The following SYNGR1 variants were observed in gnomAD, a reference collection of about 807,000 sequenced individuals.
SYNGR1 encodes the protein synaptogyrin 1, also known as synaptogyrin-1.
SYNGR1 carries 14 observed loss-of-function variants against 26.1 expected under a neutral mutation model. That is an observed-to-expected ratio of 0.54 (90% CI 0.35 to 0.84). SYNGR1 has a LOEUF of 0.84. Among genes scored for constraint, SYNGR1 ranks in the 40% least tolerant of loss-of-function variants. SYNGR1 has a pLI of 0.01. For missense variants in SYNGR1, 319 were observed against 332.9 expected (o/e 0.96, Z 0.33); for synonymous variants, 141 against 150.1 (o/e 0.94, Z 0.44).
chr22:39,374,508 G>C lies in SYNGR1; in HGVS notation c.292G>C (p.Val98Leu), dbSNP rs781363251. 1 of 1,613,568 alleles carries C rather than the reference G, an allele frequency of 6.2e-7. No homozygotes were observed. Among genetic ancestry groups the C allele is most frequent in the Non-Finnish European group, 8.5e-7 (1 of 1,180,028 alleles). The change falls in exon 2 of 4, where the codon GTC becomes CTC. Residue 98 changes from valine to leucine, a missense_variant. Coordinates refer to ENST00000328933, the MANE Select transcript of SYNGR1 (RefSeq NM_004711.5). Reference sequence around the variant, plus strand: ...CGTGTACTTCCCGCAGATCAGCAGCGTCAAGGACCGCAAGAAAGCCGTCCT... The same window carrying C: ...CGTGTACTTCCCGCAGATCAGCAGCCTCAAGGACCGCAAGAAAGCCGTCCT... The part of the protein sequence containing the change: ...LDVYFPQISS[V>L]KDRKKAVLSD...
Position 39,376,154 on chromosome 22 carries a change from C to A in SYNGR1, c.440C>A (p.Ala147Asp), listed in dbSNP as rs370572429. ...DNPLNEGTDA[A>D]RAAIAFSFFS... ...CCACTGAACGAAGGGACGGACGCAG[C>A]CCGGGCCGCCATCGCCTTCTCCTTT... is the stretch of plus-strand genomic sequence containing the variant. Residue 147 changes from alanine to aspartate, a missense_variant, in exon 3 of 4, where the codon GCC (alanine) becomes GAC (aspartate). Physicochemically the swap from Ala to Asp is moderately radical, Grantham distance 126. Transcript: ENST00000328933. 6.2e-7 allele frequency: 1 copy of A among 1,614,088 alleles called. No individual in the cohort carries two copies. The highest frequency in any genetic ancestry group is 1.3e-5 in the African/African-American group (1 of 74,926).
chr22:39,375,570 C>T (rs1925240680), intron 2 of SYNGR1: 2 of 318,094 alleles, frequency 6.3e-6, no homozygotes, highest in Non-Finnish European at 1.2e-5. Context: ...GCCATCCTTG[C>T]CCCAGCCTCG....
At chr22:39,358,132 T>G (rs1213228653) in intron 1 of SYNGR1, among the ~76,000 whole-genome samples, 6 of 152,220 alleles carry the variant, frequency 3.9e-5, no homozygotes, top group African/African-American at 1.4e-4. Context: ...ATCAGCACCC[T>G]GTGTTTAGCT....
In SYNGR1 at chr22:39,350,092, C is replaced by G; in HGVS notation, c.82C>G (p.Leu28Val). The G allele has an allele frequency of 6.8e-7, 1 of 1,469,604 alleles. No homozygotes were observed. The highest frequency in any genetic ancestry group is 1.2e-5 in the South Asian group (1 of 80,016). The allele number at this position is 1,469,604 out of a possible 1,614,324, so 91.0% of individuals were successfully genotyped here. ...CCTGGTCCGGCAGCCGCACACCATC[C>G]TGCGCGTCGTGTCTTGGGTAAGGAC... is the stretch of plus-strand genomic sequence containing the variant. ...YTLVRQPHTI[L>V]RVVSWLFSIV... The change falls in exon 1 of 4, where the codon CTG (leucine) becomes GTG (valine). Residue 28 changes from leucine to valine, a missense_variant. By Grantham distance (32) the Leu-to-Val change is conservative. Transcript: ENST00000328933. This position sits in a 1 kb window ranked among gnomAD's most constrained non-coding sequence, Gnocchi z 4.3.
At position 39,374,680 on chromosome 22, in the gene SYNGR1, T is replaced by C. The variant is rs775498307; in HGVS notation, c.337+127T>C. 137 of 1,027,930 alleles carry C rather than the reference T, an allele frequency of 1.3e-4. No individual in the cohort carries two copies. The African/African-American group carries it at 1.8e-3, about 13-fold the overall frequency. The allele number at this position is 1,027,930 out of a possible 1,614,324, so 63.7% of individuals were successfully genotyped here. ...AATGAGGTGCAGGCGGGTGAAGGGA[T>C]GGACTCAGGGTCACATGGCTGGCAG... is the stretch of plus-strand genomic sequence containing the variant. On this transcript the variant is annotated intron_variant, in intron 2 of 3. Coordinates refer to ENST00000328933, the MANE Select transcript of SYNGR1 (RefSeq NM_004711.5).
intron 1 of SYNGR1, among the ~76,000 whole-genome samples, chr22:39,355,424 T>C (rs572818135): frequency 1.3e-5 from 2 of 152,228 alleles, no homozygotes; most frequent in Non-Finnish European, 2.9e-5. Context: ...CTGGAGTCTT[T>C]CTCACCTCTT....
At chr22:39,356,069 T>G (rs1180166148) in intron 1 of SYNGR1, among the ~76,000 whole-genome samples, 3 of 152,114 alleles carry the variant, frequency 2.0e-5, no homozygotes, top group African/African-American at 7.2e-5. Flanking sequence ...CAAGTTATTT[T>G]TGTTTGTTTG....
intron 1 of SYNGR1, among the ~76,000 whole-genome samples, chr22:39,358,325 A>C (rs569005781): frequency 2.0e-5 from 3 of 152,220 alleles, no homozygotes; most frequent in Non-Finnish European, 4.4e-5. Context: ...ACTCGGCTCT[A>C]CCAATCAGCA....
chr22:39,376,887 T>TA (rs1274781816), intron 3 of SYNGR1: 1 of 1,488,234 alleles, frequency 6.7e-7, no homozygotes, highest in African/African-American at 1.4e-5. Context: ...GTTTAAACAA[T>TA]ATATTGTGTG....
At chr22:39,363,066 T>C (rs995042694) in intron 1 of SYNGR1, among the ~76,000 whole-genome samples, 1 of 151,922 alleles carries the variant, frequency 6.6e-6, no homozygotes, top group African/African-American at 2.4e-5. Flanking sequence ...GAGATGTGCG[T>C]GTTGAGGAGC....
At chr22:39,377,404 C>T (rs1601666859) in intron 3 of SYNGR1, 1 of 985,258 alleles carries the variant, frequency 1.0e-6, no homozygotes, top group African/African-American at 1.7e-5. Context: ...GAGAAGGTGC[C>T]CCAGAAGTGG....
At chr22:39,359,510 A>G (rs1924360332) in intron 1 of SYNGR1, among the ~76,000 whole-genome samples, 2 of 151,218 alleles carry the variant, frequency 1.3e-5, no homozygotes, top group Non-Finnish European at 2.9e-5. Flanking sequence ...GGGGGCCTGT[A>G]GTCCCAGCTA....
At chr22:39,354,469 G>T (rs1025961536) in intron 1 of SYNGR1, among the ~76,000 whole-genome samples, 1 of 152,036 alleles carries the variant, frequency 6.6e-6, no homozygotes, top group Non-Finnish European at 1.5e-5. Flanking sequence ...GTGGCCTGAG[G>T]GGGGCAGCTT....
intron 1 of SYNGR1, among the ~76,000 whole-genome samples, chr22:39,353,561 A>AC (rs1924011833): frequency 6.6e-6 from 1 of 152,010 alleles, no homozygotes; most frequent in Admixed American, 6.6e-5. Context: ...CACTCCTGGC[A>AC]CCCCCAGGCC....
intron 1 of SYNGR1, among the ~76,000 whole-genome samples, chr22:39,351,825 C>T (rs1322571155): frequency 6.6e-6 from 1 of 152,242 alleles, no homozygotes; most frequent in Non-Finnish European, 1.5e-5. Context: ...CAGGCAGAGG[C>T]CGCAAGAGCC....
Position 39,383,550 on chromosome 22 carries a change from G to T in SYNGR1, c.*1636G>T. The stretch of plus-strand genomic sequence containing the variant: ...TCCCCCTGTCCACCCAGTGTCCACT[G>T]GCCTGTCCTTCAGGGAGCAGAGCAG... On this transcript the variant is annotated 3_prime_UTR_variant, in exon 4 of 4. Transcript: ENST00000328933. The T allele has an allele frequency of 6.6e-6, 1 of 152,560 alleles. No individual in the cohort carries two copies. The highest frequency in any genetic ancestry group is 1.5e-5 in the Non-Finnish European group (1 of 68,142). 9.5% of individuals were successfully genotyped at this position (152,560 alleles called of 1,614,324 possible).
chr22:39,361,745 G>T (rs1280554295), intron 1 of SYNGR1, among the ~76,000 whole-genome samples: 1 of 152,112 alleles, frequency 6.6e-6, no homozygotes, highest in Non-Finnish European at 1.5e-5. Context: ...CCTACCCCAG[G>T]AGTCTCGGGG....
rs557314237 is a variant in SYNGR1 at position 39,385,119 on chromosome 22, T to G, written c.*3205T>G. 1 of 397,774 alleles carries G rather than the reference T, an allele frequency of 2.5e-6. No homozygotes were observed. The highest frequency in any genetic ancestry group is 1.4e-4 in the South Asian group (1 of 7,138). The allele number at this position is 397,774 out of a possible 1,614,324, so 24.6% of individuals were successfully genotyped here. A position where few individuals can be genotyped will look rare whatever the true frequency, so the allele number is the denominator to read the frequency against. ...CTGCCTGTTAGCCCTGGGAGACCCC[T>G]AACCTTGGCCCAAGACCCCTTTGAT... On this transcript the variant is annotated 3_prime_UTR_variant, in exon 4 of 4. Transcript: ENST00000328933.
At chr22:39,360,980 C>T (rs4821887) in intron 1 of SYNGR1, among the ~76,000 whole-genome samples, 122,727 of 152,222 alleles carry the variant, frequency 0.81, 49,933 homozygotes, top group East Asian at 1. Flanking sequence ...TATGGATGGA[C>T]GTGGCGGGAA....
Sources: allele counts gnomAD v4.1 joint callset (sites outside exome capture counted in the v4.1 genomes callset), GRCh38; gene constraint gnomAD v4.1.1; non-coding constraint Gnocchi (gnomAD v3.1); transcripts MANE v1.5; gene names NCBI Gene and HGNC (gene_info 2026-07-23, HGNC 2026-07-21).